Variants in IQGAP1 observed in about 807,000 individuals in gnomAD.
IQGAP1 encodes IQ motif containing GTPase activating protein 1, also known as ras GTPase-activating-like protein IQGAP1.
Under a neutral mutation model 215.6 loss-of-function variants are expected in IQGAP1, and 66 were observed. That is an observed-to-expected ratio of 0.31 (90% confidence interval 0.25 to 0.38). The LOEUF (loss-of-function observed/expected upper bound fraction) is 0.38. Among genes scored for constraint, IQGAP1 ranks in the 10% least tolerant of loss-of-function variants. The pLI, the probability that IQGAP1 is intolerant of heterozygous loss-of-function variation, is 1.00. For missense variants in IQGAP1, 1,712 were observed against 1,997.1 expected (o/e 0.86, Z 2.72); for synonymous variants, 772 against 728.7 (o/e 1.06, Z -0.96).
intron 4 of IQGAP1, 82 bp from the exon 5 acceptor site, chr15:90,433,637 G>A: frequency 4.7e-6 from 4 of 856,834 alleles, no homozygotes; most frequent in Non-Finnish European, 7.6e-6. Context: ...TCCATAGTTT[G>A]ATTTGGATTA....
chr15:90,403,801 G>A (rs992565573), intron 2 of IQGAP1, among the ~76,000 whole-genome samples: 1 of 152,164 alleles, frequency 6.6e-6, no homozygotes, highest in East Asian at 1.9e-4. Flanking sequence ...AGCCTCCCAA[G>A]TAGATGGGAC....
chr15:90,436,364 T>C (rs1338424049), intron 5 of IQGAP1, among the ~76,000 whole-genome samples: 2 of 152,176 alleles, frequency 1.3e-5, no homozygotes, highest in Non-Finnish European at 2.9e-5. Context: ...CTTTCTAATA[T>C]CTGAGAAATT....
intron 17 of IQGAP1, 85 bp downstream of exon 17, chr15:90,466,521 T>C (rs1276153972): frequency 1.4e-5 from 19 of 1,312,746 alleles, no homozygotes; most frequent in Admixed American, 7.3e-5. Flanking sequence ...GGATAAGCTA[T>C]AGGGAAAGAC....
At chr15:90,424,537 G>GTCTTGCT (rs1965193314) in intron 2 of IQGAP1, among the ~76,000 whole-genome samples, 1 of 152,162 alleles carries the variant, frequency 6.6e-6, no homozygotes, top group Non-Finnish European at 1.5e-5. Context: ...AGGTAGAGTA[G>GTCTTGCT]ATTTAAAAGC....
At chr15:90,432,311 C>T (rs1965314110) in intron 4 of IQGAP1, among the ~76,000 whole-genome samples, 1 of 152,154 alleles carries the variant, frequency 6.6e-6, no homozygotes, top group Non-Finnish European at 1.5e-5. Flanking sequence ...TCTGGTCATT[C>T]CCTAAGCCTT....
chr15:90,456,801 TTACTTGAGCCTGAGAGGTGGAGGTTG>T (rs993098608), intron 15 of IQGAP1, among the ~76,000 whole-genome samples: 4 of 150,846 alleles, frequency 2.7e-5, no homozygotes, highest in South Asian at 2.1e-4. Context: ...GGCACAGGAA[TTACTTGAGCCTGAGAGGTGGAGGTTG>T]CAGTGAGCCG....
rs562739114 is a variant in IQGAP1, at chr15:90,416,239, C to CT, written c.156-9865dup. Reference sequence around the variant, plus strand: ...TCCCTACAAAGGACATGAACTCATCCTTTTTTATGGCTTCATAGTATTCCA... The same window carrying CT: ...TCCCTACAAAGGACATGAACTCATCCTTTTTTTATGGCTTCATAGTATTCCA... On this transcript the variant is annotated intron_variant, in intron 2 of 37. Coordinates refer to ENST00000268182, the MANE Select transcript of IQGAP1 (RefSeq NM_003870.4). Among the ~76,000 whole-genome samples the CT allele has an allele frequency of 2.6e-5, 4 of 152,034 alleles. No homozygotes were observed. The South Asian group carries it at 8.3e-4, about 32-fold the overall frequency.
At chr15:90,465,674 TTTGTTTG>T (rs747143383) in intron 15 of IQGAP1, among the ~76,000 whole-genome samples, 51,121 of 142,122 alleles carry the variant, frequency 0.36, 9,366 homozygotes, top group East Asian at 0.67. Flanking sequence ...CCAAGCTATG[TTTGTTTG>T]TTTGTTTGTT....
At chr15:90,427,418 TA>T (rs1005963264) in intron 3 of IQGAP1, among the ~76,000 whole-genome samples, 6 of 151,996 alleles carry the variant, frequency 3.9e-5, no homozygotes, top group African/African-American at 1.2e-4. Context: ...CAAGGTGCTA[TA>T]AAAAAGAAGA....
Position 90,441,596 on chromosome 15 carries a change from T to A in IQGAP1, c.740T>A (p.Leu247His), listed in dbSNP as rs758389834. ...GCTTTGAAAAATCCGAATGCCATGC[T>A]TGTAAATCTTGAAGAGCCCTTGGCA... is the stretch of plus-strand genomic sequence containing the variant. The part of the protein sequence containing the change: ...FAALKNPNAM[L>H]VNLEEPLAST... Residue 247 changes from leucine (L) to histidine (H), a missense_variant, in exon 8 of 38, where the codon CTT becomes CAT. Coordinates refer to ENST00000268182, the MANE Select transcript of IQGAP1 (RefSeq NM_003870.4). The A allele has an allele frequency of 5.6e-6, 9 of 1,613,910 alleles. No homozygotes were observed. In the East Asian group the frequency reaches 8.9e-5, roughly 16 times the overall value.
At chr15:90,420,417 G>A (rs942641225) in intron 2 of IQGAP1, among the ~76,000 whole-genome samples, 1 of 152,190 alleles carries the variant, frequency 6.6e-6, no homozygotes, top group Non-Finnish European at 1.5e-5. Context: ...TAGGGTGCCA[G>A]TAGAGAATTG....
chr15:90,497,167 A>G, intron 36 of IQGAP1, 65 bp from the exon 37 acceptor site: 1 of 850,400 alleles, frequency 1.2e-6, no homozygotes, highest in Non-Finnish European at 1.9e-6. Context: ...TCCTTTCCCC[A>G]TTTCACAGAA....
chr15:90,495,826 A>G (rs1966265187), intron 36 of IQGAP1, among the ~76,000 whole-genome samples: 1 of 150,424 alleles, frequency 6.6e-6, no homozygotes, highest in African/African-American at 2.4e-5. Context: ...TTTAGTAGAG[A>G]TGGGGTTTCA....
In IQGAP1 at chr15:90,449,636, T is replaced by C; in HGVS notation, c.1155T>C (p.Tyr385=). 6.2e-7 allele frequency: 1 copy of C among 1,611,008 alleles called. No homozygotes were observed. Among genetic ancestry groups the C allele is most frequent in the Non-Finnish European group, 8.5e-7 (1 of 1,178,560 alleles). ...VDAANSAAQQ[Y]QRRLAAVALI... is the part of the protein sequence containing the mutation. ...CTGCAAACAGTGCTGCCCAGCAATATCAGAGAAGTAAGAGTCCATTGAAAT... is the reference window on the plus strand; with the variant it reads ...CTGCAAACAGTGCTGCCCAGCAATACCAGAGAAGTAAGAGTCCATTGAAAT... The change falls in exon 11 of 38, where the codon TAT becomes TAC. Residue 385 remains tyrosine, a synonymous_variant. Coordinates refer to ENST00000268182, the MANE Select transcript of IQGAP1 (RefSeq NM_003870.4).
At chr15:90,449,916 A>G (rs1202410865) in intron 11 of IQGAP1, among the ~76,000 whole-genome samples, 3 of 152,236 alleles carry the variant, frequency 2.0e-5, no homozygotes, top group Non-Finnish European at 4.4e-5. Flanking sequence ...CTGACGTATG[A>G]TATTTTGATA....
chr15:90,483,692 C>A, intron 29 of IQGAP1, 99 bp downstream of exon 29: 1 of 822,490 alleles, frequency 1.2e-6, no homozygotes, highest in Non-Finnish European at 2.0e-6. Flanking sequence ...TTTCCCCGGA[C>A]TGCCATATGT....
In IQGAP1 at chr15:90,467,446, C is replaced by T; in HGVS notation, c.2036-4C>T. The T allele has an allele frequency of 6.2e-7, 1 of 1,605,466 alleles. No individual in the cohort carries two copies. ...TCTTCTATCTTTCCTTTATTTTCTGCCAGGAGATAATAACAGCAAGTGGGT... is the reference window on the plus strand; with the variant it reads ...TCTTCTATCTTTCCTTTATTTTCTGTCAGGAGATAATAACAGCAAGTGGGT... On this transcript the variant is annotated splice_region_variant and splice_polypyrimidine_tract_variant and intron_variant, in intron 17 of 37. Coordinates refer to ENST00000268182, the MANE Select transcript of IQGAP1 (RefSeq NM_003870.4).
In IQGAP1 at chr15:90,483,357, C is replaced by G. The variant is rs1430080519; in HGVS notation, c.3556-4C>G. On this transcript the variant is annotated splice_polypyrimidine_tract_variant and splice_region_variant and intron_variant, in intron 28 of 37. Transcript: ENST00000268182. ...TACCCATCTTTCTGTTTCGTCTGTT[C>G]CAGATTATTGGTAACTTGCTTTATT... 2 of 1,605,662 alleles carry G rather than the reference C, an allele frequency of 1.2e-6. No homozygotes were observed. The highest frequency in any genetic ancestry group is 2.2e-5 in the South Asian group (2 of 90,838).
chr15:90,448,092 G>A (rs1965549346), intron 9 of IQGAP1, among the ~76,000 whole-genome samples: 1 of 152,182 alleles, frequency 6.6e-6, no homozygotes, highest in Non-Finnish European at 1.5e-5. Context: ...GTCATAGGGA[G>A]GGGCAGTGGA....
Sources: gnomAD v4.1 joint callset for allele counts (sites outside exome capture counted in the v4.1 genomes callset) on GRCh38, gnomAD v4.1.1 for gene constraint, MANE v1.5 for transcripts, NCBI Gene and HGNC (gene_info 2026-07-23, HGNC 2026-07-21) for gene names.